ZBTB2: variants seen among roughly 807,000 people sequenced by gnomAD.
ZBTB2 encodes zinc finger and BTB domain-containing protein 2.
ZBTB2 carries 2 observed loss-of-function variants against 39.5 expected under a neutral mutation model. The observed-to-expected ratio is 0.05, with a 90% CI of 0.02 to 0.16. The LOEUF (loss-of-function observed/expected upper bound fraction) is 0.16, where lower values mean the gene tolerates loss of function less well. ZBTB2 is among the 10% of genes least tolerant of loss of function. The probability of loss-of-function intolerance (pLI) is 1.00; values close to 1 mark genes in which losing one functional copy is unlikely to be tolerated. For synonymous variants in ZBTB2, 251 were observed against 256.6 expected, an observed-to-expected ratio of 0.98 and a Z score of 0.21; for missense variants, 391 against 653.0, an observed-to-expected ratio of 0.60 and a Z score of 4.37.
Position 151,365,299 on chromosome 6 carries a change from C to A in ZBTB2, c.*222G>T. The stretch of plus-strand genomic sequence containing the variant: ...AAATTTGAGTTTATAAGTATAATGA[C>A]CATTATCTTTCCAATATCCCCTGAA... On this transcript the variant is annotated 3_prime_UTR_variant, in exon 3 of 3. Transcript: ENST00000325144. The surrounding 1 kb of genome is among the most constrained non-coding windows in gnomAD (Gnocchi z 5.6). The A allele has an allele frequency of 1.9e-6, 1 of 518,774 alleles. No individual in the cohort carries two copies. Among genetic ancestry groups the A allele is most frequent in the Non-Finnish European group, 3.4e-6 (1 of 297,466 alleles). The allele number at this position is 518,774 out of a possible 1,614,324, so 32.1% of individuals were successfully genotyped here. A position where few individuals can be genotyped will look rare whatever the true frequency, so the allele number is the denominator to read the frequency against.
chr6:151,375,262 A>G (rs1367836255), intron 1 of ZBTB2, among the ~76,000 whole-genome samples: 3 of 152,258 alleles, frequency 2.0e-5, no homozygotes, highest in Non-Finnish European at 4.4e-5. Flanking sequence ...AGATAATACC[A>G]TTTAAAATCA....
chr6:151,366,950 AGCCTG>A lies in ZBTB2; in HGVS notation c.174-63_174-59del. On this transcript the variant is annotated intron_variant, in intron 2 of 2. Transcript: ENST00000325144. This position sits in a 1 kb window ranked among gnomAD's most constrained non-coding sequence, Gnocchi z 7.1. ...AATGCCAGTCTAGGTGTTAACATAA[AGCCTG>A]AAGAAAAAAATGAATGCTTAAAAAC... 1.3e-6 allele frequency: 2 copies of A among 1,497,882 alleles called. No individual in the cohort carries two copies. The highest frequency in any genetic ancestry group is 2.3e-5 in the Admixed American group (1 of 44,050). The allele number at this position is 1,497,882 out of a possible 1,614,324, so 92.8% of individuals were successfully genotyped here.
At position 151,377,525 on chromosome 6, in the gene ZBTB2, T is replaced by C. The variant is rs549046197; in HGVS notation, c.-12-3876A>G. ...CTGGGATTACAGGTGCCCGCGACCA[T>C]GTCTGGCTAATTTTTTTTTTTTTTT... On this transcript the variant is annotated intron_variant, in intron 1 of 2. Transcript: ENST00000325144. 1.5e-3 allele frequency among the ~76,000 whole-genome samples: 219 copies of C among 146,816 alleles called. 3 individuals are homozygous for C. Among genetic ancestry groups the C allele is most frequent in the African/African-American group, 5.4e-3 (205 of 37,830 alleles).
rs1306833402 is a variant in ZBTB2, at chr6:151,366,597, G to C, written c.469C>G (p.Arg157Gly). Reference protein sequence around the residue: ...KIASAPEKLGRDPRPQTSRIS... With the variant: ...KIASAPEKLGGDPRPQTSRIS... ...CTGGAGGTCTGTGGCCGTGGATCTC[G>C]CCCGAGTTTTTCAGGTGCTGAAGCA... The change falls in exon 3 of 3, where the codon CGA (arginine) becomes GGA (glycine). Residue 157 changes from arginine to glycine, a missense_variant. This residue lies in a region of ZBTB2 where 175 missense variants were observed against 198.6 expected (regional missense o/e 0.88). Coordinates refer to ENST00000325144, the MANE Select transcript of ZBTB2 (RefSeq NM_020861.3). This position sits in a 1 kb window ranked among gnomAD's most constrained non-coding sequence, Gnocchi z 7.1. 1.5e-5 allele frequency: 24 copies of C among 1,613,862 alleles called. No homozygotes were observed. Among genetic ancestry groups the C allele is most frequent in the Non-Finnish European group, 2.0e-5 (24 of 1,179,990 alleles).
intron 1 of ZBTB2, among the ~76,000 whole-genome samples, chr6:151,379,852 G>A (rs1778993535): frequency 6.6e-6 from 1 of 151,984 alleles, no homozygotes; most frequent in African/African-American, 2.4e-5. Context: ...TTACATGAAT[G>A]GGTGTATATT....
At chr6:151,372,882 T>C (rs961128112) in intron 2 of ZBTB2, among the ~76,000 whole-genome samples, 20 of 152,010 alleles carry the variant, frequency 1.3e-4, no homozygotes, top group African/African-American at 3.4e-4. Flanking sequence ...TTGCCGGGTG[T>C]GGTGGCTCAC....
chr6:151,376,622 A>T (rs1778914862), intron 1 of ZBTB2, among the ~76,000 whole-genome samples: 1 of 152,196 alleles, frequency 6.6e-6, no homozygotes, highest in Non-Finnish European at 1.5e-5. Flanking sequence ...ACTAGCCACT[A>T]GGGAAAAGCA....
At chr6:151,371,412 T>C (rs1432146526) in intron 2 of ZBTB2, among the ~76,000 whole-genome samples, 3 of 152,218 alleles carry the variant, frequency 2.0e-5, no homozygotes, top group Non-Finnish European at 4.4e-5. Context: ...TAAAGTGTTA[T>C]GAGCCATAAG....
Position 151,366,050 on chromosome 6 carries a change from G to T in ZBTB2, c.1016C>A (p.Pro339His). 1 of 1,614,148 alleles carries T rather than the reference G, an allele frequency of 6.2e-7. No homozygotes were observed. The highest frequency in any genetic ancestry group is 8.5e-7 in the Non-Finnish European group (1 of 1,180,050). ...GTCAATGTCAGCAATGTCTGAGGGG[G>T]GTGGGGTTTCCGACTGCTGCTGCCC... ...IDGQQQSETPPPSDIADIDNL... is the reference protein window; with the variant it reads ...IDGQQQSETPHPSDIADIDNL... Residue 339 changes from proline to histidine, a missense_variant, in exon 3 of 3, where the codon CCC becomes CAC. Pro to His is a moderately conservative substitution (Grantham distance 77). Transcript: ENST00000325144. The surrounding 1 kb of genome is among the most constrained non-coding windows in gnomAD (Gnocchi z 7.1).
Position 151,366,723 on chromosome 6 carries a change from T to C in ZBTB2, c.343A>G (p.Ser115Gly). The change falls in exon 3 of 3, where the codon AGC (serine) becomes GGC (glycine). Residue 115 changes from serine to glycine, a missense_variant. By Grantham distance (56) the Ser-to-Gly change is moderately conservative. Transcript: ENST00000325144. The surrounding 1 kb of genome is among the most constrained non-coding windows in gnomAD (Gnocchi z 7.1). ...YPLIQEASLA[S>G]QGAFSHPDQV... ...TCAGGGTGAGAAAAGGCTCCCTGGCTGGCGAGGCTGGCTTCCTGAATGAGC... is the reference window on the plus strand; with the variant it reads ...TCAGGGTGAGAAAAGGCTCCCTGGCCGGCGAGGCTGGCTTCCTGAATGAGC... 1.9e-6 allele frequency: 3 copies of C among 1,614,134 alleles called. No individual in the cohort carries two copies. The highest frequency in any genetic ancestry group is 2.5e-6 in the Non-Finnish European group (3 of 1,179,998).
At chr6:151,379,215 G>A (rs905738860) in intron 1 of ZBTB2, among the ~76,000 whole-genome samples, 7 of 152,068 alleles carry the variant, frequency 4.6e-5, no homozygotes, top group African/African-American at 1.7e-4. Context: ...TGCCAATATG[G>A]CTTTTTTACT....
chr6:151,371,974 G>A (rs1284899361), intron 2 of ZBTB2, among the ~76,000 whole-genome samples: 2 of 152,156 alleles, frequency 1.3e-5, no homozygotes, highest in African/African-American at 4.8e-5. Context: ...GACACAAAAG[G>A]AGATACTCAA....
rs527377556 is a variant in ZBTB2, at chr6:151,387,838, T to C, written c.-13+3582A>G. Among the ~76,000 whole-genome samples the C allele has an allele frequency of 1.2e-4, 19 of 152,316 alleles. No individual in the cohort carries two copies. In the South Asian group the frequency reaches 1.7e-3, roughly 13 times the overall value. On this transcript the variant is annotated intron_variant, in intron 1 of 2. Coordinates refer to ENST00000325144, the MANE Select transcript of ZBTB2 (RefSeq NM_020861.3). ...TGAGCCTCCAAGTTGGCTTCTAAAA[T>C]GGATCTACATATGTTGGGCTGCCAA...
At chr6:151,389,858 T>G (rs1368321424) in intron 1 of ZBTB2, among the ~76,000 whole-genome samples, 2 of 152,004 alleles carry the variant, frequency 1.3e-5, no homozygotes, top group Non-Finnish European at 2.9e-5. Context: ...TATTGCCTCT[T>G]TTACTACCAG....
chr6:151,389,741 G>A (rs146830685), intron 1 of ZBTB2, among the ~76,000 whole-genome samples: 472 of 152,208 alleles, frequency 3.1e-3, no homozygotes, highest in Admixed American at 5.3e-3. Flanking sequence ...ATATCCCCAA[G>A]GCATAATTAG....
intron 1 of ZBTB2, among the ~76,000 whole-genome samples, chr6:151,390,676 A>T (rs1223236421): frequency 2.0e-5 from 3 of 151,592 alleles, no homozygotes; most frequent in African/African-American, 7.3e-5. Context: ...CCGCAGCAGT[A>T]GCGGCAGCAG....
chr6:151,370,221 C>T (rs1778757870), intron 2 of ZBTB2: 7 of 290,116 alleles, frequency 2.4e-5, no homozygotes, highest in Non-Finnish European at 3.6e-5. Flanking sequence ...CTGCAACCTC[C>T]GCCTCCCGGG....
chr6:151,369,665 A>G (rs1348437023), intron 2 of ZBTB2, among the ~76,000 whole-genome samples: 2 of 152,064 alleles, frequency 1.3e-5, no homozygotes, highest in African/African-American at 4.8e-5. Flanking sequence ...GCACATGTGC[A>G]CACATACACT....
At chr6:151,380,573 G>A (rs536009566) in intron 1 of ZBTB2, among the ~76,000 whole-genome samples, 6 of 152,236 alleles carry the variant, frequency 3.9e-5, no homozygotes, top group South Asian at 4.2e-4. Flanking sequence ...GCTCCCGCCC[G>A]GCTCTGCTCA....
Sources: allele counts gnomAD v4.1 joint callset (sites outside exome capture counted in the v4.1 genomes callset), GRCh38; gene constraint gnomAD v4.1.1; regional missense constraint gnomAD v4.1.1; non-coding constraint Gnocchi (gnomAD v3.1); transcripts MANE v1.5; gene names NCBI Gene and HGNC (gene_info 2026-07-23, HGNC 2026-07-21).